The following STON2 variants were observed in gnomAD, a reference collection of about 807,000 sequenced individuals.
STON2 encodes stonin-2.
STON2 carries 29 observed loss-of-function variants against 65.7 expected under a neutral mutation model. The ratio of observed to expected loss-of-function variants is 0.44; its 90% CI spans 0.33 to 0.60. STON2 has a LOEUF of 0.60. STON2 is among the 20% of genes least tolerant of loss of function. STON2 has a pLI of 0.03. For synonymous variants in STON2, 404 were observed against 414.2 expected, an observed-to-expected ratio of 0.98 and a Z score of 0.30; for missense variants, 1,054 against 1,118.1, an observed-to-expected ratio of 0.94 and a Z score of 0.82.
At chr14:81,306,933 G>C (rs74065082) in intron 5 of STON2, among the ~76,000 whole-genome samples, 2,192 of 152,326 alleles carry the variant, frequency 0.014, 62 homozygotes, top group African/African-American at 0.049. Context: ...AACAAGCACT[G>C]ATTATTTAAA....
intron 4 of STON2, among the ~76,000 whole-genome samples, chr14:81,343,234 C>T (rs980608983): frequency 1.3e-5 from 2 of 152,098 alleles, no homozygotes; most frequent in African/African-American, 2.4e-5. Flanking sequence ...GTGAAAAATG[C>T]CCCCCAATCC....
chr14:81,263,049 G>A lies in STON2; in HGVS notation c.*5365C>T, dbSNP rs1329578094. The A allele has an allele frequency of 3.1e-5, 31 of 985,226 alleles. No homozygotes were observed. Among genetic ancestry groups the A allele is most frequent in the Non-Finnish European group, 3.7e-5 (31 of 829,882 alleles). The allele number at this position is 985,226 out of a possible 1,614,324, so 61.0% of individuals were successfully genotyped here. A position where few individuals can be genotyped will look rare whatever the true frequency, so the allele number is the denominator to read the frequency against. ...TGTAAAGGGTCGTCATGGTTTGAAT[G>A]GGACTTAGTAGTAAAGTGTGTGAGA... is the stretch of plus-strand genomic sequence containing the variant. On this transcript the variant is annotated 3_prime_UTR_variant, in exon 8 of 8. Coordinates refer to ENST00000614646, the MANE Select transcript of STON2 (RefSeq NM_001394390.1).
At chr14:81,435,631 AGCT>A (rs1451155438) in intron 1 of STON2, among the ~76,000 whole-genome samples, 1 of 152,164 alleles carries the variant, frequency 6.6e-6, no homozygotes, top group Non-Finnish European at 1.5e-5. Flanking sequence ...GCCCTCAGGC[AGCT>A]CCTTCCAGTA....
At chr14:81,318,142 T>C (rs1326113337) in intron 5 of STON2, among the ~76,000 whole-genome samples, 1 of 152,022 alleles carries the variant, frequency 6.6e-6, no homozygotes, top group Non-Finnish European at 1.5e-5. Context: ...ATTTGTATTT[T>C]TAGTAGAGAC....
chr14:81,331,838 G>C lies in STON2; in HGVS notation c.572-7651C>G, dbSNP rs546263196. On this transcript the variant is annotated intron_variant, in intron 4 of 7. Transcript: ENST00000614646. ...GCCTAACTGCTGCCAACTACTGTGG[G>C]AAGGGCCAGAGGAAGCCCTGCTTGC... is the stretch of plus-strand genomic sequence containing the variant. Among the ~76,000 whole-genome samples the C allele has an allele frequency of 1.5e-3, 231 of 152,334 alleles. 1 individual carries two copies. The highest frequency in any genetic ancestry group is 5.4e-3 in the African/African-American group (223 of 41,572).
Position 81,277,551 on chromosome 14 carries a change from T to C in STON2, c.1931A>G (p.Asp644Gly). ...GACATGGTGCTGGAGAATCTGGTTG[T>C]CTCCTTTGCTCACAATGCCAGAGAA... ...DEFSGIVSKGDNQILQHHVLT... is the reference protein window; with the variant it reads ...DEFSGIVSKGGNQILQHHVLT... The change falls in exon 6 of 8, where the codon GAC becomes GGC. Residue 644 changes from aspartate to glycine, a missense_variant. Coordinates refer to ENST00000614646, the MANE Select transcript of STON2 (RefSeq NM_001394390.1). The C allele has an allele frequency of 1.9e-6, 3 of 1,614,134 alleles. No homozygotes were observed. The highest frequency in any genetic ancestry group is 2.5e-6 in the Non-Finnish European group (3 of 1,180,020).
chr14:81,370,874 T>G, intron 4 of STON2, 114 bp downstream of exon 4: 1 of 952,464 alleles, frequency 1.0e-6, no homozygotes, highest in Non-Finnish European at 1.6e-6. Context: ...TAACAACACC[T>G]GAACTCATTC....
rs1030791275 is a variant in STON2 at position 81,263,041 on chromosome 14, G to A, written c.*5373C>T. Reference sequence around the variant, plus strand: ...TAATTTTATGTAAAGGGTCGTCATGGTTTGAATGGGACTTAGTAGTAAAGT... The same window carrying A: ...TAATTTTATGTAAAGGGTCGTCATGATTTGAATGGGACTTAGTAGTAAAGT... On this transcript the variant is annotated 3_prime_UTR_variant, in exon 8 of 8. Transcript: ENST00000614646. 89 of 985,276 alleles carry A rather than the reference G, an allele frequency of 9.0e-5. No individual in the cohort carries two copies. Among genetic ancestry groups the A allele is most frequent in the Non-Finnish European group, 9.6e-5 (80 of 829,918 alleles). 61.0% of individuals were successfully genotyped at this position (985,276 alleles called of 1,614,324 possible). A position where few individuals can be genotyped will look rare whatever the true frequency, so the allele number is the denominator to read the frequency against.
chr14:81,286,473 T>G (rs1245918661), intron 5 of STON2, among the ~76,000 whole-genome samples: 1 of 152,220 alleles, frequency 6.6e-6, no homozygotes, highest in Non-Finnish European at 1.5e-5. Flanking sequence ...CAGGTGATCA[T>G]TAGCACTTTT....
chr14:81,354,183 G>C (rs1898132733), intron 4 of STON2, among the ~76,000 whole-genome samples: 1 of 152,190 alleles, frequency 6.6e-6, no homozygotes, highest in Non-Finnish European at 1.5e-5. Flanking sequence ...TGACGACAGG[G>C]TCCATCCAAC....
chr14:81,383,396 T>C (rs1032197535), intron 3 of STON2, among the ~76,000 whole-genome samples: 1 of 152,212 alleles, frequency 6.6e-6, no homozygotes, highest in African/African-American at 2.4e-5. Flanking sequence ...TAGGTGGTGA[T>C]GGTTATTATT....
At chr14:81,278,834 C>T in intron 5 of STON2, 95 bp from the exon 6 acceptor site, 1 of 1,002,258 alleles carries the variant, frequency 1.0e-6, no homozygotes, top group South Asian at 2.0e-5. Context: ...AGAATTTTAA[C>T]TGGAATCCAG....
chr14:81,353,734 C>T (rs1232476259), intron 4 of STON2, among the ~76,000 whole-genome samples: 2 of 152,168 alleles, frequency 1.3e-5, no homozygotes, highest in East Asian at 1.9e-4. Context: ...CACACCTCCA[C>T]CAAGACCTGT....
chr14:81,264,711 T>G lies in STON2; in HGVS notation c.*3703A>C. The G allele has an allele frequency of 1.0e-6, 1 of 985,324 alleles. No individual in the cohort carries two copies. Among genetic ancestry groups the G allele is most frequent in the Non-Finnish European group, 1.2e-6 (1 of 829,870 alleles). 61.0% of individuals were successfully genotyped at this position (985,324 alleles called of 1,614,324 possible). Reference sequence around the variant, plus strand: ...CAAGGATTATGAACCCTGCCAATAATGCAGGAAGGCACAGTAAGGGAAGAG... The same window carrying G: ...CAAGGATTATGAACCCTGCCAATAAGGCAGGAAGGCACAGTAAGGGAAGAG... On this transcript the variant is annotated 3_prime_UTR_variant, in exon 8 of 8. Transcript: ENST00000614646.
At chr14:81,312,653 A>C (rs1896469712) in intron 5 of STON2, among the ~76,000 whole-genome samples, 1 of 152,234 alleles carries the variant, frequency 6.6e-6, no homozygotes, top group Non-Finnish European at 1.5e-5. Context: ...ATCTAGACTT[A>C]GCCTAGCTGC....
chr14:81,295,721 C>T (rs1895737805), intron 5 of STON2, among the ~76,000 whole-genome samples: 1 of 152,226 alleles, frequency 6.6e-6, no homozygotes, highest in East Asian at 1.9e-4. Flanking sequence ...AAGGCATTCA[C>T]ATATGAATTC....
chr14:81,289,991 T>C (rs185010776), intron 5 of STON2, among the ~76,000 whole-genome samples: 197 of 152,330 alleles, frequency 1.3e-3, no homozygotes, highest in Non-Finnish European at 2.4e-4. Context: ...GTCTCACCAA[T>C]AGCTCTGTCT....
chr14:81,261,944 TAAAAAAA>T lies in STON2; in HGVS notation c.*6463_*6469del. ...CTGTTTCTGTTGTCTGGGGAAATGA[TAAAAAAA>T]AAAAAAAAAAAGAGAGAGATGTGAA... On this transcript the variant is annotated 3_prime_UTR_variant, in exon 8 of 8. Coordinates refer to ENST00000614646, the MANE Select transcript of STON2 (RefSeq NM_001394390.1). 1 of 1,194,860 alleles carries T rather than the reference TAAAAAAA, an allele frequency of 8.4e-7. No individual in the cohort carries two copies. The allele number at this position is 1,194,860 out of a possible 1,614,324, so 74.0% of individuals were successfully genotyped here.
intron 5 of STON2, among the ~76,000 whole-genome samples, chr14:81,321,168 A>G (rs937755398): frequency 3.5e-4 from 54 of 152,304 alleles, no homozygotes; most frequent in African/African-American, 1.2e-3. Flanking sequence ...TCTACAGCTA[A>G]GGTGCTGCTT....
Sources: allele counts gnomAD v4.1 joint callset (sites outside exome capture counted in the v4.1 genomes callset), GRCh38; gene constraint gnomAD v4.1.1; transcripts MANE v1.5; gene names NCBI Gene and HGNC (gene_info 2026-07-23, HGNC 2026-07-21).